KIRREL3: variants seen among roughly 807,000 people sequenced by gnomAD.
KIRREL3 encodes the protein kirre like nephrin family adhesion molecule 3.
Under a neutral mutation model 89.7 loss-of-function variants are expected in KIRREL3, and 36 were observed. The ratio of observed to expected loss-of-function variants is 0.40; its 90% CI spans 0.31 to 0.53. The LOEUF (loss-of-function observed/expected upper bound fraction) is 0.53. KIRREL3 is among the 20% of genes least tolerant of loss of function. The probability of loss-of-function intolerance (pLI) is 0.49; values close to 1 mark genes in which losing one functional copy is unlikely to be tolerated. For missense variants in KIRREL3, 864 were observed against 1,056.6 expected (o/e 0.82, Z 2.53); for synonymous variants, 445 against 441.4 (o/e 1.01, Z -0.10).
rs1399634566 is a variant in KIRREL3, at chr11:126,522,514, G to C, written c.284-1050C>G. On this transcript the variant is annotated intron_variant, in intron 3 of 16. Coordinates refer to ENST00000525144, the MANE Select transcript of KIRREL3 (RefSeq NM_032531.4). This position sits in a 1 kb window ranked among gnomAD's most constrained non-coding sequence, Gnocchi z 6.0. ...CTTATGAAGTGCTCAGGACGCTTAA[G>C]AATTGGGGGCCCCTTGTACCATGGG... Among the ~76,000 whole-genome samples the C allele has an allele frequency of 6.6e-6, 1 of 152,220 alleles. No homozygotes were observed. The highest frequency in any genetic ancestry group is 2.4e-5 in the African/African-American group (1 of 41,456).
At chr11:126,856,844 C>T (rs943891441) in intron 1 of KIRREL3, among the ~76,000 whole-genome samples, 21 of 152,158 alleles carry the variant, frequency 1.4e-4, no homozygotes, top group African/African-American at 3.9e-4. Flanking sequence ...CCACTCACCT[C>T]GGCCTCCCAA....
intron 4 of KIRREL3, among the ~76,000 whole-genome samples, chr11:126,505,786 C>T (rs140635095): frequency 3.9e-5 from 6 of 152,216 alleles, no homozygotes; most frequent in African/African-American, 1.4e-4. Context: ...CTAGAAAACA[C>T]TGCTGAGAAA....
rs1462471504 is a variant in KIRREL3 at position 126,424,390 on chromosome 11, G to T, written c.*190C>A. 1.9e-6 allele frequency: 1 copy of T among 530,424 alleles called. No homozygotes were observed. Among genetic ancestry groups the T allele is most frequent in the Middle Eastern group, 5.5e-4 (1 of 1,806 alleles). 32.9% of individuals were successfully genotyped at this position (530,424 alleles called of 1,614,324 possible). A position where few individuals can be genotyped will look rare whatever the true frequency, so the allele number is the denominator to read the frequency against. ...CTGTCTCCCCACCCGCCCACCTCTG[G>T]CACACAGCACCTGGGGACCCAGATT... is the stretch of plus-strand genomic sequence containing the variant. On this transcript the variant is annotated 3_prime_UTR_variant, in exon 17 of 17. Transcript: ENST00000525144.
At position 126,965,678 on chromosome 11, in the gene KIRREL3, G is replaced by T. The variant is rs1266910540; in HGVS notation, c.55+34777C>A. Among the ~76,000 whole-genome samples, 1 of 152,162 alleles carries T rather than the reference G, an allele frequency of 6.6e-6. No individual in the cohort carries two copies. The highest frequency in any genetic ancestry group is 1.9e-4 in the East Asian group (1 of 5,198). On this transcript the variant is annotated intron_variant, in intron 1 of 16. Transcript: ENST00000525144. The surrounding 1 kb of genome is among the most constrained non-coding windows in gnomAD (Gnocchi z 4.4). Reference sequence around the variant, plus strand: ...AGAGCCATGGATAATCGAAACCTCAGCCAAAAGAAGATCAATAAATATTAT... The same window carrying T: ...AGAGCCATGGATAATCGAAACCTCATCCAAAAGAAGATCAATAAATATTAT...
rs1038124319 is a variant in KIRREL3 at position 126,709,855 on chromosome 11, A to G, written c.56-146943T>C. Among the ~76,000 whole-genome samples, 1 of 152,202 alleles carries G rather than the reference A, an allele frequency of 6.6e-6. No individual in the cohort carries two copies. Among genetic ancestry groups the G allele is most frequent in the Non-Finnish European group, 1.5e-5 (1 of 68,038 alleles). ...CAGGAGGCCGGGCAGGCATTGTCCA[A>G]GGGAGCTGGAGAGGCTGAGCACTGG... On this transcript the variant is annotated intron_variant, in intron 1 of 16. Coordinates refer to ENST00000525144, the MANE Select transcript of KIRREL3 (RefSeq NM_032531.4). This position sits in a 1 kb window ranked among gnomAD's most constrained non-coding sequence, Gnocchi z 4.0.
intron 1 of KIRREL3, among the ~76,000 whole-genome samples, chr11:126,695,501 T>G (rs1458475033): frequency 6.6e-6 from 1 of 151,648 alleles, no homozygotes; most frequent in Non-Finnish European, 1.5e-5. Flanking sequence ...CTGCCACATT[T>G]CCCAAGTCCC....
In KIRREL3 at chr11:126,684,112, A is replaced by G. The variant is rs1335797091; in HGVS notation, c.56-121200T>C. On this transcript the variant is annotated intron_variant, in intron 1 of 16. Transcript: ENST00000525144. This position sits in a 1 kb window ranked among gnomAD's most constrained non-coding sequence, Gnocchi z 4.2. ...CAGTGGGATGGCATCTTGGGGGAGC[A>G]CCTTGGGCAGGGCTGCCCAGAGCCC... 6.6e-6 allele frequency among the ~76,000 whole-genome samples: 1 copy of G among 152,170 alleles called. No homozygotes were observed. Among genetic ancestry groups the G allele is most frequent in the South Asian group, 2.1e-4 (1 of 4,828 alleles).
In KIRREL3 at chr11:126,976,480, T is replaced by C. The variant is rs1392969440; in HGVS notation, c.55+23975A>G. On this transcript the variant is annotated intron_variant, in intron 1 of 16. Transcript: ENST00000525144. This position sits in a 1 kb window ranked among gnomAD's most constrained non-coding sequence, Gnocchi z 4.2. ...CTGAATCTACTGTCATCTACAATTTTACTTTTTTAAAAAGTGTGACATTTT... is the reference window on the plus strand; with the variant it reads ...CTGAATCTACTGTCATCTACAATTTCACTTTTTTAAAAAGTGTGACATTTT... Among the ~76,000 whole-genome samples, 1 of 152,214 alleles carries C rather than the reference T, an allele frequency of 6.6e-6. No homozygotes were observed.
In KIRREL3 at chr11:126,997,670, T is replaced by C. The variant is rs1411994170; in HGVS notation, c.55+2785A>G. Among the ~76,000 whole-genome samples, 1 of 152,166 alleles carries C rather than the reference T, an allele frequency of 6.6e-6. No homozygotes were observed. Among genetic ancestry groups the C allele is most frequent in the Admixed American group, 6.5e-5 (1 of 15,286 alleles). The stretch of plus-strand genomic sequence containing the variant: ...ATTTGACAAATTAGGAAGAAAAGGA[T>C]GGCTGGAACGGACTTTAAGAGTTTA... On this transcript the variant is annotated intron_variant, in intron 1 of 16. Coordinates refer to ENST00000525144, the MANE Select transcript of KIRREL3 (RefSeq NM_032531.4). This position sits in a 1 kb window ranked among gnomAD's most constrained non-coding sequence, Gnocchi z 4.3.
chr11:126,718,034 C>T (rs1222759417), intron 1 of KIRREL3, among the ~76,000 whole-genome samples: 1 of 152,168 alleles, frequency 6.6e-6, no homozygotes, highest in Non-Finnish European at 1.5e-5. Flanking sequence ...TAAAATATCC[C>T]TTGCCTCATG....
At chr11:126,760,925 G>A (rs1218184549) in intron 1 of KIRREL3, among the ~76,000 whole-genome samples, 1 of 152,210 alleles carries the variant, frequency 6.6e-6, no homozygotes, top group East Asian at 1.9e-4. Context: ...TACCATTAAT[G>A]GAGGGTAATC....
chr11:126,618,364 C>T (rs572494352), intron 1 of KIRREL3, among the ~76,000 whole-genome samples: 5 of 152,166 alleles, frequency 3.3e-5, no homozygotes, highest in Non-Finnish European at 5.9e-5. Context: ...GTTTCTTGTA[C>T]GGCCTATGGA....
intron 4 of KIRREL3, among the ~76,000 whole-genome samples, chr11:126,478,261 A>G (rs1957121684): frequency 6.6e-6 from 1 of 152,072 alleles, no homozygotes; most frequent in Non-Finnish European, 1.5e-5. Flanking sequence ...GTGACTCTCC[A>G]CTACCCACCC....
At position 126,747,763 on chromosome 11, in the gene KIRREL3, C is replaced by A. The variant is rs1422780041; in HGVS notation, c.56-184851G>T. ...TGAATGAAGGAATGGGGTGAGGGAA[C>A]GACTGTGTGCAGAGAGTCATGTGAG... is the stretch of plus-strand genomic sequence containing the variant. On this transcript the variant is annotated intron_variant, in intron 1 of 16. Transcript: ENST00000525144. This position sits in a 1 kb window ranked among gnomAD's most constrained non-coding sequence, Gnocchi z 4.7. 6.6e-6 allele frequency among the ~76,000 whole-genome samples: 1 copy of A among 152,134 alleles called. No individual in the cohort carries two copies. The highest frequency in any genetic ancestry group is 1.5e-5 in the Non-Finnish European group (1 of 68,024).
chr11:126,785,681 T>A (rs1384484763), intron 1 of KIRREL3, among the ~76,000 whole-genome samples: 3 of 151,814 alleles, frequency 2.0e-5, no homozygotes, highest in Non-Finnish European at 2.9e-5. Flanking sequence ...ATCAAGACCA[T>A]CATCCAACAT....
Position 126,443,108 on chromosome 11 carries a change from TGTC to T in KIRREL3, c.1252+1868_1252+1870del, listed in dbSNP as rs1484284295. On this transcript the variant is annotated intron_variant, in intron 10 of 16. Coordinates refer to ENST00000525144, the MANE Select transcript of KIRREL3 (RefSeq NM_032531.4). The surrounding 1 kb of genome is among the most constrained non-coding windows in gnomAD (Gnocchi z 7.3). ...TCTGAACGTCTAAAGTGACAGCAGA[TGTC>T]AGCTCCTCCTTTATCCACCTGCTTT... is the stretch of plus-strand genomic sequence containing the variant. Among the ~76,000 whole-genome samples the T allele has an allele frequency of 1.3e-5, 2 of 152,238 alleles. No homozygotes were observed. The highest frequency in any genetic ancestry group is 2.4e-5 in the African/African-American group (1 of 41,470).
chr11:126,925,571 G>A (rs1361944181), intron 1 of KIRREL3, among the ~76,000 whole-genome samples: 2 of 152,180 alleles, frequency 1.3e-5, no homozygotes, highest in African/African-American at 4.8e-5. Flanking sequence ...GGCCAGCCCT[G>A]CCCTCTCCTC....
At chr11:126,545,995 T>C (rs12295123) in intron 2 of KIRREL3, among the ~76,000 whole-genome samples, 74 of 152,356 alleles carry the variant, frequency 4.9e-4, no homozygotes, top group African/African-American at 1.7e-3. Context: ...AGTTTCATTT[T>C]CTTTATGTGG....
At chr11:126,681,611 C>T (rs942554187) in intron 1 of KIRREL3, among the ~76,000 whole-genome samples, 1 of 151,322 alleles carries the variant, frequency 6.6e-6, no homozygotes, top group Admixed American at 6.6e-5. Context: ...TATATACAGA[C>T]ACACACACAC....
Sources: gnomAD v4.1 joint callset for allele counts (sites outside exome capture counted in the v4.1 genomes callset) on GRCh38, gnomAD v4.1.1 for gene constraint, Gnocchi (gnomAD v3.1) non-coding constraint, MANE v1.5 for transcripts, NCBI Gene and HGNC (gene_info 2026-07-23, HGNC 2026-07-21) for gene names.